Variants in FGD3 observed in about 807,000 individuals in gnomAD.
The protein encoded by FGD3 is FYVE, RhoGEF and PH domain containing 3.
In FGD3, 45 loss-of-function variants were observed where a neutral mutation model predicts 71.8. That is an observed-to-expected ratio of 0.63 (90% CI 0.49 to 0.80). The LOEUF is 0.80. Ranked by LOEUF, FGD3 falls within the 30% of genes least tolerant of loss-of-function variation. The probability of loss-of-function intolerance (pLI) is 0.00; values close to 1 mark genes in which losing one functional copy is unlikely to be tolerated. For synonymous variants in FGD3, 378 were observed against 392.8 expected (o/e 0.96, Z 0.44); for missense variants, 844 against 951.5 (o/e 0.89, Z 1.49).
chr9:92,981,777 T>A (rs1042766993), intron 3 of FGD3, among the ~76,000 whole-genome samples: 1 of 152,234 alleles, frequency 6.6e-6, no homozygotes, highest in East Asian at 1.9e-4. Context: ...TTGACCTTTT[T>A]ATAACTATAT....
intron 3 of FGD3, 142 bp from the exon 4 acceptor site, chr9:93,002,782 GC>G (rs1564157486): frequency 9.7e-6 from 7 of 719,846 alleles, no homozygotes; most frequent in Non-Finnish European, 1.7e-5. Flanking sequence ...CATCACAGTG[GC>G]CCCTCCTGCC....
intron 17 of FGD3, 72 bp downstream of exon 17, chr9:93,034,753 G>A (rs1014934923): frequency 6.6e-7 from 1 of 1,507,036 alleles, no homozygotes; most frequent in East Asian, 2.5e-5. Flanking sequence ...CCCACAGCAG[G>A]CCTGTGCCAC....
At chr9:93,012,859 G>A (rs1160203307) in intron 8 of FGD3, among the ~76,000 whole-genome samples, 1 of 151,952 alleles carries the variant, frequency 6.6e-6, no homozygotes, top group East Asian at 1.9e-4. Context: ...CATGACAGGT[G>A]CACACCCAGC....
intron 3 of FGD3, among the ~76,000 whole-genome samples, chr9:92,988,606 T>C (rs1330792241): frequency 2.6e-5 from 4 of 152,222 alleles, no homozygotes; most frequent in African/African-American, 9.6e-5. Context: ...CTCTAAGATT[T>C]CTATCTTATT....
At chr9:93,011,796 C>T (rs1404355136) in intron 8 of FGD3, among the ~76,000 whole-genome samples, 3 of 151,338 alleles carry the variant, frequency 2.0e-5, no homozygotes, top group Admixed American at 1.3e-4. Context: ...GCAGAGGTTG[C>T]AGTGAGCCGA....
rs1024219248 is a variant in FGD3, at chr9:93,018,198, C to T, written c.1338C>T (p.Ser446=). Residue 446 remains serine (S), a synonymous_variant, in exon 11 of 18, where the codon TCC becomes TCT. Transcript: ENST00000375482. ...HTFIITGRKR[S]LELQTRTEEE... is the part of the protein sequence containing the mutation. The stretch of plus-strand genomic sequence containing the variant: ...TCATCATAACAGGAAGAAAAAGGTC[C>T]CTGGAGCTGCAGACGCGGTATGGAA... 5 of 1,613,988 alleles carry T rather than the reference C, an allele frequency of 3.1e-6. No individual in the cohort carries two copies. The African/African-American group carries it at 6.7e-5, about 22-fold the overall frequency.
intron 1 of FGD3, among the ~76,000 whole-genome samples, chr9:92,964,652 G>A (rs562868953): frequency 4.6e-5 from 7 of 152,302 alleles, no homozygotes; most frequent in African/African-American, 1.7e-4. Flanking sequence ...GTCTGGGGGT[G>A]GCTTAGGCTC....
intron 13 of FGD3, among the ~76,000 whole-genome samples, chr9:93,021,661 G>A (rs956583970): frequency 1.3e-5 from 2 of 152,098 alleles, no homozygotes; most frequent in Admixed American, 6.6e-5. Flanking sequence ...CCCAGACCCC[G>A]CAGGCCTGAA....
intron 6 of FGD3, among the ~76,000 whole-genome samples, chr9:93,007,620 C>A (rs1026842628): frequency 2.6e-5 from 4 of 152,190 alleles, no homozygotes; most frequent in Non-Finnish European, 4.4e-5. Flanking sequence ...CCTGCCATGT[C>A]CTGGATGACA....
chr9:93,021,675 C>G (rs900665333), intron 13 of FGD3, among the ~76,000 whole-genome samples: 4 of 152,156 alleles, frequency 2.6e-5, no homozygotes, highest in African/African-American at 9.7e-5. Flanking sequence ...GCCTGAATCC[C>G]AACTCCAGGC....
chr9:92,968,167 C>T (rs574638081), intron 1 of FGD3, among the ~76,000 whole-genome samples: 13 of 152,296 alleles, frequency 8.5e-5, no homozygotes, highest in South Asian at 8.3e-4. Flanking sequence ...CACCAGCCCC[C>T]GATTCCAGGC....
chr9:92,950,828 G>A (rs1465240823), intron 1 of FGD3, among the ~76,000 whole-genome samples: 1 of 152,226 alleles, frequency 6.6e-6, no homozygotes, highest in Non-Finnish European at 1.5e-5. Context: ...CAGCCCCTAA[G>A]TGACCTGGGG....
chr9:92,965,155 C>A (rs567794532), intron 1 of FGD3, among the ~76,000 whole-genome samples: 2 of 152,254 alleles, frequency 1.3e-5, no homozygotes, highest in African/African-American at 4.8e-5. Flanking sequence ...GCAGAGGGGG[C>A]CCGAGGGGCA....
chr9:93,008,455 G>T (rs1861157362), intron 6 of FGD3, among the ~76,000 whole-genome samples: 2 of 152,160 alleles, frequency 1.3e-5, no homozygotes, highest in Admixed American at 1.3e-4. Context: ...TCTTTTTGAG[G>T]GGTGCAGCCT....
intron 14 of FGD3, among the ~76,000 whole-genome samples, chr9:93,023,258 G>T (rs1033104855): frequency 3.3e-5 from 5 of 152,164 alleles, no homozygotes; most frequent in Non-Finnish European, 7.3e-5. Context: ...TGGGCTGGCC[G>T]CTGGCTGCCC....
At chr9:92,988,982 G>A (rs1019599083) in intron 3 of FGD3, among the ~76,000 whole-genome samples, 4 of 152,164 alleles carry the variant, frequency 2.6e-5, no homozygotes, top group African/African-American at 9.7e-5. Flanking sequence ...GCATTTAGGG[G>A]TCTCTGCAAG....
chr9:92,981,258 C>T (rs1859982619), intron 3 of FGD3, among the ~76,000 whole-genome samples: 1 of 151,048 alleles, frequency 6.6e-6, no homozygotes, highest in Non-Finnish European at 1.5e-5. Flanking sequence ...GTCCCAGCTA[C>T]TCGGGAGGCT....
At chr9:93,004,280 C>G (rs1860968860) in intron 5 of FGD3, 143 bp downstream of exon 5, 2 of 1,017,024 alleles carry the variant, frequency 2.0e-6, no homozygotes, top group Non-Finnish European at 2.9e-6. Flanking sequence ...TGGGTCCGAT[C>G]CAGACTCCAC....
intron 3 of FGD3, among the ~76,000 whole-genome samples, chr9:92,991,922 T>C (rs189774984): frequency 6.6e-6 from 1 of 152,230 alleles, no homozygotes; most frequent in Non-Finnish European, 1.5e-5. Context: ...TTTCTTTTTA[T>C]AGTTTTTGAC....
Sources: gnomAD v4.1 joint callset for allele counts (sites outside exome capture counted in the v4.1 genomes callset) on GRCh38, gnomAD v4.1.1 for gene constraint, MANE v1.5 for transcripts, NCBI Gene and HGNC (gene_info 2026-07-23, HGNC 2026-07-21) for gene names.